The following HSPD1 variants were observed in gnomAD, a reference collection of about 807,000 sequenced individuals.
HSPD1 encodes 60 kDa heat shock protein, mitochondrial.
Under a neutral mutation model 53.0 loss-of-function variants are expected in HSPD1, and 3 were observed. The ratio of observed to expected loss-of-function variants is 0.06; its 90% CI spans 0.03 to 0.15. The LOEUF is 0.15. Among genes scored for constraint, HSPD1 ranks in the 10% least tolerant of loss-of-function variants. The pLI is 1.00. For synonymous variants in HSPD1, 200 were observed against 228.0 expected (o/e 0.88, Z 1.10); for missense variants, 431 against 694.1 (o/e 0.62, Z 4.26).
upstream of HSPD1, chr2:197,500,092 G>C (rs552704943): frequency 7.9e-4 from 270 of 343,116 alleles, no homozygotes; most frequent in Non-Finnish European, 1.3e-3. Flanking sequence ...AGAAAATGCC[G>C]CGCTCCCTAC....
At chr2:197,490,066 C>A (rs2106072449) in intron 8 of HSPD1, 131 bp downstream of exon 8, 1 of 752,978 alleles carries the variant, frequency 1.3e-6, no homozygotes, top group East Asian at 2.7e-5. Flanking sequence ...GGAATTTAAT[C>A]CAACCCCTAC....
In HSPD1 at chr2:197,489,149, C is replaced by T. The variant is rs764997042; in HGVS notation, c.1068G>A (p.Met356Ile). 4 of 1,614,018 alleles carry T rather than the reference C, an allele frequency of 2.5e-6. No individual in the cohort carries two copies. Among genetic ancestry groups the T allele is most frequent in the Non-Finnish European group, 2.5e-6 (3 of 1,180,008 alleles). The change falls in exon 9 of 12, where the codon ATG (methionine) becomes ATA (isoleucine). Residue 356 changes from methionine (M) to isoleucine (I), a missense_variant. Around this residue, in one of 2 missense-constraint regions of HSPD1, gnomAD observed 386 missense variants for 657.6 expected, o/e 0.59. Transcript: ENST00000388968. ...CCTTGTCACCTTTTCCTTTTAAGAG[C>T]ATGGCATCGTCTTTGGTCACAATGA... ...GEVIVTKDDA[M>I]LLKGKGDKAQ...
rs1367402074 is a variant in HSPD1 at position 197,494,396 on chromosome 2, T to C, written c.607-146A>G. On this transcript the variant is annotated intron_variant, in intron 5 of 11. Transcript: ENST00000388968. ...AGCCCAGGACATCCAATTACACTTCTGCAAAAAATCCCAAAAGTGCTTATT... is the reference window on the plus strand; with the variant it reads ...AGCCCAGGACATCCAATTACACTTCCGCAAAAAATCCCAAAAGTGCTTATT... 4 of 654,766 alleles carry C rather than the reference T, an allele frequency of 6.1e-6. No individual in the cohort carries two copies. The Admixed American group carries it at 8.4e-5, about 14-fold the overall frequency. The allele number at this position is 654,766 out of a possible 1,614,324, so 40.6% of individuals were successfully genotyped here.
chr2:197,494,860 A>G, intron 4 of HSPD1, 108 bp from the exon 5 acceptor site: 1 of 765,554 alleles, frequency 1.3e-6, no homozygotes, highest in Non-Finnish European at 2.4e-6. Context: ...CATCCAGGGG[A>G]GAGAAGGGGA....
intron 6 of HSPD1, 155 bp downstream of exon 6, chr2:197,494,002 T>C: frequency 1.8e-6 from 1 of 558,748 alleles, no homozygotes; most frequent in Middle Eastern, 5.0e-4. Flanking sequence ...CTTGGGAGAC[T>C]GAGGCAAGAG....
Position 197,486,881 on chromosome 2 carries a change from T to C in HSPD1, c.*165A>G, listed in dbSNP as rs977022325. 4.9e-6 allele frequency: 3 copies of C among 614,096 alleles called. No individual in the cohort carries two copies. In the African/African-American group the frequency reaches 5.6e-5, roughly 11 times the overall value. The allele number at this position is 614,096 out of a possible 1,614,324, so 38.0% of individuals were successfully genotyped here. A position where few individuals can be genotyped will look rare whatever the true frequency, so the allele number is the denominator to read the frequency against. On this transcript the variant is annotated 3_prime_UTR_variant, in exon 12 of 12. Coordinates refer to ENST00000388968, the MANE Select transcript of HSPD1 (RefSeq NM_002156.5). ...CATGGACAATGACAGCAGTAAACCA[T>C]TATATATTTTGTCAACTGAAACCAG... is the stretch of plus-strand genomic sequence containing the variant.
upstream of HSPD1, chr2:197,500,257 C>G (rs763864525): frequency 1.1e-5 from 8 of 760,746 alleles, no homozygotes; most frequent in South Asian, 1.0e-4. Flanking sequence ...TGGGGCGAAT[C>G]GCGGTGCGCG....
upstream of HSPD1, chr2:197,500,227 A>T: frequency 1.6e-6 from 1 of 627,538 alleles, no homozygotes; most frequent in Non-Finnish European, 2.8e-6. Context: ...TCTTCGCGTC[A>T]GCGTCCTGCG....
chr2:197,497,272 G>C lies in HSPD1; in HGVS notation c.295C>G (p.Gln99Glu), dbSNP rs779176497. ...KYKNIGAKLV[Q>E]DVANNTNEEA... The stretch of plus-strand genomic sequence containing the variant: ...TCATTTGTGTTATTGGCAACATCTT[G>C]AACAAGTTTAGCTCCAATGTTTTTG... The change falls in exon 3 of 12, where the codon CAA (glutamine) becomes GAA (glutamate). Residue 99 changes from glutamine to glutamate, a missense_variant. Gln to Glu is a conservative substitution (Grantham distance 29). Around this residue, in one of 2 missense-constraint regions of HSPD1, gnomAD observed 386 missense variants for 657.6 expected, o/e 0.59. Coordinates refer to ENST00000388968, the MANE Select transcript of HSPD1 (RefSeq NM_002156.5). 4 of 1,613,978 alleles carry C rather than the reference G, an allele frequency of 2.5e-6. No homozygotes were observed. Among genetic ancestry groups the C allele is most frequent in the East Asian group, 2.2e-5 (1 of 44,880 alleles).
intron 8 of HSPD1, among the ~76,000 whole-genome samples, chr2:197,489,547 A>G (rs953382325): frequency 6.6e-6 from 1 of 152,192 alleles, no homozygotes; most frequent in African/African-American, 2.4e-5. Flanking sequence ...CAAGTCCTAC[A>G]TCCCTTGTAG....
At chr2:197,491,631 A>C (rs900718549) in intron 7 of HSPD1, among the ~76,000 whole-genome samples, 4 of 152,204 alleles carry the variant, frequency 2.6e-5, no homozygotes, top group African/African-American at 9.7e-5. Flanking sequence ...CTTGCTTCTG[A>C]CATACTTCAA....
rs755970968 is a variant in HSPD1, at chr2:197,497,249, A to G, written c.318T>C (p.Asn106=). Residue 106 remains asparagine, a synonymous_variant, in exon 3 of 12, where the codon AAT becomes AAC. Coordinates refer to ENST00000388968, the MANE Select transcript of HSPD1 (RefSeq NM_002156.5). ...KLVQDVANNT[N]EEAGDGTTTA... ...TGGTAGTGCCATCCCCAGCTTCTTC[A>G]TTTGTGTTATTGGCAACATCTTGAA... The G allele has an allele frequency of 8.7e-6, 14 of 1,613,934 alleles. No individual in the cohort carries two copies. The highest frequency in any genetic ancestry group is 1.1e-5 in the Non-Finnish European group (13 of 1,179,960).
chr2:197,486,854 G>C lies in HSPD1; in HGVS notation c.*192C>G. The C allele has an allele frequency of 1.7e-6, 1 of 591,732 alleles. No homozygotes were observed. Among genetic ancestry groups the C allele is most frequent in the South Asian group, 2.0e-5 (1 of 49,660 alleles). 36.7% of individuals were successfully genotyped at this position (591,732 alleles called of 1,614,324 possible). A position where few individuals can be genotyped will look rare whatever the true frequency, so the allele number is the denominator to read the frequency against. On this transcript the variant is annotated 3_prime_UTR_variant, in exon 12 of 12. Coordinates refer to ENST00000388968, the MANE Select transcript of HSPD1 (RefSeq NM_002156.5). ...AAAAATACAAAATAAATTATCTGTA[G>C]GCATGGACAATGACAGCAGTAAACC...
chr2:197,499,442 CG>C (rs143093475), intron 1 of HSPD1: 6,068 of 155,368 alleles, frequency 0.039, 389 homozygotes, highest in African/African-American at 0.14. Context: ...CAGCTGCCTG[CG>C]GGGGAAAAAA....
intron 7 of HSPD1, among the ~76,000 whole-genome samples, chr2:197,492,205 T>C (rs1287489255): frequency 1.3e-5 from 2 of 152,172 alleles, no homozygotes; most frequent in Non-Finnish European, 2.9e-5. Context: ...GAGTTATTTA[T>C]TTAGAGACAG....
intron 7 of HSPD1, among the ~76,000 whole-genome samples, chr2:197,491,412 G>GGCTTCCCA (rs766468719): frequency 2.0e-5 from 3 of 151,742 alleles, no homozygotes; most frequent in Non-Finnish European, 2.9e-5. Context: ...CACCCGCCTC[G>GGCTTCCCA]GCTTCCCAAA....
chr2:197,492,610 A>G (rs768860433), intron 7 of HSPD1, among the ~76,000 whole-genome samples: 12 of 152,210 alleles, frequency 7.9e-5, no homozygotes, highest in Non-Finnish European at 1.5e-4. Context: ...ACAAAAAACA[A>G]GATTGACACT....
Position 197,492,073 on chromosome 2 carries a change from C to T in HSPD1, c.869+1251G>A, listed in dbSNP as rs576950681. 9.2e-4 allele frequency among the ~76,000 whole-genome samples: 140 copies of T among 152,366 alleles called. 1 individual carries two copies. The highest frequency in any genetic ancestry group is 3.2e-3 in the African/African-American group (133 of 41,586). On this transcript the variant is annotated intron_variant, in intron 7 of 11. Coordinates refer to ENST00000388968, the MANE Select transcript of HSPD1 (RefSeq NM_002156.5). ...TTGGGAGGCTGAGGCAGGAGGATTG[C>T]TTGACCCCAAGAGTTCAAGGCTGCA...
chr2:197,491,997 AAATT>A (rs1034777258), intron 7 of HSPD1, among the ~76,000 whole-genome samples: 5 of 152,128 alleles, frequency 3.3e-5, no homozygotes, highest in African/African-American at 1.2e-4. Flanking sequence ...CTCTACAAAA[AAATT>A]AAAAGATCAG....
Sources: allele counts gnomAD v4.1 joint callset (sites outside exome capture counted in the v4.1 genomes callset), GRCh38; gene constraint gnomAD v4.1.1; regional missense constraint gnomAD v4.1.1; transcripts MANE v1.5; gene names NCBI Gene and HGNC (gene_info 2026-07-23, HGNC 2026-07-21).